The following CIDEA variants were observed in gnomAD, a reference collection of about 807,000 sequenced individuals.
CIDEA encodes lipid transferase CIDEA.
In CIDEA, 10 loss-of-function variants were observed where a neutral mutation model predicts 18.2. The observed-to-expected ratio is 0.55, with a 90% confidence interval of 0.34 to 0.93. The LOEUF is 0.93. Among genes scored for constraint, CIDEA ranks in the 40% least tolerant of loss-of-function variants. The pLI, the probability that CIDEA is intolerant of heterozygous loss-of-function variation, is 0.02. For synonymous variants in CIDEA, 128 were observed against 124.8 expected, an observed-to-expected ratio of 1.03 and a Z score of -0.17; for missense variants, 309 against 293.1, an observed-to-expected ratio of 1.05 and a Z score of -0.40.
intron 1 of CIDEA, among the ~76,000 whole-genome samples, chr18:12,256,885 G>T (rs1912050666): frequency 6.6e-6 from 1 of 152,202 alleles, no homozygotes; most frequent in Non-Finnish European, 1.5e-5. Flanking sequence ...CAAGCCTTTA[G>T]GTAGCTTGCG....
intron 2 of CIDEA, 101 bp downstream of exon 2, chr18:12,263,070 C>A: frequency 1.7e-6 from 2 of 1,197,604 alleles, no homozygotes; most frequent in Non-Finnish European, 2.3e-6. Flanking sequence ...ACAGAAAGAT[C>A]AAGAAAAGCA....
chr18:12,261,376 A>G (rs1212471475), intron 1 of CIDEA, among the ~76,000 whole-genome samples: 1 of 152,138 alleles, frequency 6.6e-6, no homozygotes, highest in Non-Finnish European at 1.5e-5. Flanking sequence ...CTCAAAACAA[A>G]CAAACAAACA....
intron 1 of CIDEA, among the ~76,000 whole-genome samples, chr18:12,259,044 GC>G (rs1397877177): frequency 6.6e-6 from 1 of 152,214 alleles, no homozygotes; most frequent in African/African-American, 2.4e-5. Flanking sequence ...TGAGAACCCT[GC>G]GTCACTCTCT....
At chr18:12,273,978 G>A (rs12966610) in intron 3 of CIDEA, 115 bp from the exon 4 acceptor site, 242,941 of 1,126,102 alleles carry the variant, frequency 0.22, 27,470 homozygotes, top group Admixed American at 0.25. Context: ...CCACGGAGCC[G>A]CTCACAGACC....
chr18:12,272,149 TG>T lies in CIDEA; in HGVS notation c.331-1932del, dbSNP rs1376535544. Among the ~76,000 whole-genome samples the T allele has an allele frequency of 7.5e-3, 56 of 7,484 alleles. 1 individual carries two copies. The highest frequency in any genetic ancestry group is 0.029 in the South Asian group (3 of 104). 4.9% of individuals were successfully genotyped at this position (7,484 alleles called of 152,430 possible). A position where few individuals can be genotyped will look rare whatever the true frequency, so the allele number is the denominator to read the frequency against. The stretch of plus-strand genomic sequence containing the variant: ...TCAGCCTCAGCTTTGAGTGTGTGTG[TG>T]GGGGGGGGGGGTTGGGGGGGGGTTG... On this transcript the variant is annotated intron_variant, in intron 3 of 4. Transcript: ENST00000320477.
In CIDEA at chr18:12,259,964, G is replaced by A. The variant is rs186338276; in HGVS notation, c.39-2861G>A. Among the ~76,000 whole-genome samples the A allele has an allele frequency of 3.9e-5, 6 of 152,292 alleles. No individual in the cohort carries two copies. The East Asian group carries it at 1.2e-3, about 29-fold the overall frequency. On this transcript the variant is annotated intron_variant, in intron 1 of 4. Coordinates refer to ENST00000320477, the MANE Select transcript of CIDEA (RefSeq NM_001279.4). ...ATGCCAGCAGTTATGAGGCCCTGAT[G>A]TCATCCTGGCCAAGGATACTCCAGA... is the stretch of plus-strand genomic sequence containing the variant.
intron 1 of CIDEA, among the ~76,000 whole-genome samples, chr18:12,257,187 C>A (rs573337220): frequency 6.6e-6 from 1 of 152,290 alleles, no homozygotes; most frequent in East Asian, 1.9e-4. Flanking sequence ...GCATTCCCTG[C>A]TGCTCTTGGT....
At chr18:12,274,026 G>T in intron 3 of CIDEA, 67 bp from the exon 4 acceptor site, 3 of 1,551,012 alleles carry the variant, frequency 1.9e-6, no homozygotes, top group East Asian at 2.3e-5. Flanking sequence ...GCTGGCATAA[G>T]AGCAGAGTGA....
chr18:12,263,055 C>A, intron 2 of CIDEA, 86 bp downstream of exon 2: 2 of 1,411,328 alleles, frequency 1.4e-6, no homozygotes, highest in Non-Finnish European at 1.9e-6. Context: ...TAAGCCAGGG[C>A]CAGCACAGAA....
chr18:12,262,965 G>T lies in CIDEA; in HGVS notation c.179G>T (p.Ser60Ile). 1.2e-6 allele frequency: 2 copies of T among 1,614,008 alleles called. No individual in the cohort carries two copies. Among genetic ancestry groups the T allele is most frequent in the African/African-American group, 1.3e-5 (1 of 75,024 alleles). Residue 60 changes from serine to isoleucine, a missense_variant, in exon 2 of 5, where the codon AGC becomes ATC. Physicochemically the swap from Ser to Ile is moderately radical, Grantham distance 142 (BLOSUM62 -2). Transcript: ENST00000320477. The stretch of plus-strand genomic sequence containing the variant: ...GCAAGCAGCCTGCAGGAGCTCATCA[G>T]CAAGGTGCCCCACATCCCGCACCTC... ...VMASSLQELI[S>I]KTLDALVIAT...
intron 3 of CIDEA, among the ~76,000 whole-genome samples, chr18:12,267,593 A>G (rs1319528675): frequency 1.3e-5 from 2 of 152,154 alleles, no homozygotes; most frequent in African/African-American, 4.8e-5. Flanking sequence ...TCCCTGGCTC[A>G]AGTGTTTCTT....
intron 1 of CIDEA, among the ~76,000 whole-genome samples, chr18:12,255,712 C>G (rs891181931): frequency 5.9e-4 from 90 of 152,204 alleles, no homozygotes; most frequent in African/African-American, 2.1e-3. Context: ...GAGGTGTGGG[C>G]TGACTCGCAC....
At chr18:12,276,856 G>A (rs1213799756) in intron 4 of CIDEA, among the ~76,000 whole-genome samples, 1 of 152,160 alleles carries the variant, frequency 6.6e-6, no homozygotes, top group African/African-American at 2.4e-5. Context: ...TGGGAGCCGT[G>A]CTTCTTGCGG....
chr18:12,275,580 G>A (rs1262907685), intron 4 of CIDEA, among the ~76,000 whole-genome samples: 1 of 152,216 alleles, frequency 6.6e-6, no homozygotes, highest in Non-Finnish European at 1.5e-5. Context: ...GCACGTCCCT[G>A]TGGGCAGGGC....
intron 3 of CIDEA, among the ~76,000 whole-genome samples, chr18:12,272,169 GGGGTTGTT>G (rs1364200139): frequency 1.3e-3 from 14 of 11,136 alleles, no homozygotes; most frequent in South Asian, 4.9e-3. Flanking sequence ...GGGTTGGGGG[GGGGTTGTT>G]GTTGTTGTTG....
chr18:12,262,864 G>A lies in CIDEA; in HGVS notation c.78G>A (p.Leu26=), dbSNP rs149631710. ...TGGGATCACAGACTAAGCGAGTCCTGTTCACCCCGCTCATGCATCCAGCTC... is the reference window on the plus strand; with the variant it reads ...TGGGATCACAGACTAAGCGAGTCCTATTCACCCCGCTCATGCATCCAGCTC... ...TFMGSQTKRV[L]FTPLMHPARP... Residue 26 remains leucine, a synonymous_variant, in exon 2 of 5, where the codon CTG becomes CTA. Coordinates refer to ENST00000320477, the MANE Select transcript of CIDEA (RefSeq NM_001279.4). The A allele has an allele frequency of 8.7e-6, 14 of 1,614,172 alleles. No homozygotes were observed. Among genetic ancestry groups the A allele is most frequent in the Non-Finnish European group, 1.0e-5 (12 of 1,180,032 alleles).
In CIDEA at chr18:12,273,968, C is replaced by T. The variant is rs115233235; in HGVS notation, c.331-125C>T. Reference sequence around the variant, plus strand: ...CTGAAAGCATCTCTCTATCGATTAGCCACGGAGCCGCTCACAGACCTTAAA... The same window carrying T: ...CTGAAAGCATCTCTCTATCGATTAGTCACGGAGCCGCTCACAGACCTTAAA... On this transcript the variant is annotated intron_variant, in intron 3 of 4. Coordinates refer to ENST00000320477, the MANE Select transcript of CIDEA (RefSeq NM_001279.4). 2.6e-3 allele frequency: 2,520 copies of T among 979,610 alleles called. 46 individuals are homozygous for T. In the African/African-American group the frequency reaches 0.036, roughly 14 times the overall value. The allele number at this position is 979,610 out of a possible 1,614,324, so 60.7% of individuals were successfully genotyped here.
rs567223352 is a variant in CIDEA, at chr18:12,268,982, C to T, written c.330+4529C>T. Among the ~76,000 whole-genome samples the T allele has an allele frequency of 4.3e-3, 656 of 152,008 alleles. 6 individuals carry two copies. The highest frequency in any genetic ancestry group is 0.015 in the African/African-American group (642 of 41,492). ...CTGGGATTACAGGTGCCTGCCACCACGCCCAGCTAATTTTTGTATTTTTAG... is the reference window on the plus strand; with the variant it reads ...CTGGGATTACAGGTGCCTGCCACCATGCCCAGCTAATTTTTGTATTTTTAG... On this transcript the variant is annotated intron_variant, in intron 3 of 4. Transcript: ENST00000320477.
intron 1 of CIDEA, among the ~76,000 whole-genome samples, chr18:12,256,828 A>C (rs964753051): frequency 6.6e-6 from 1 of 152,232 alleles, no homozygotes; most frequent in African/African-American, 2.4e-5. Context: ...ACGAAACTGC[A>C]AAGTGTTCAA....
Sources: gnomAD v4.1 joint callset for allele counts (sites outside exome capture counted in the v4.1 genomes callset) on GRCh38, gnomAD v4.1.1 for gene constraint, MANE v1.5 for transcripts, NCBI Gene and HGNC (gene_info 2026-07-23, HGNC 2026-07-21) for gene names.